Variants in KHDRBS2 observed in about 807,000 individuals in gnomAD.
KHDRBS2 encodes the protein KH domain-containing, RNA-binding, signal transduction-associated protein 2.
Under a neutral mutation model 44.3 loss-of-function variants are expected in KHDRBS2, and 26 were observed. The ratio of observed to expected loss-of-function variants is 0.59; its 90% CI spans 0.43 to 0.81. The LOEUF is 0.81. KHDRBS2 is among the 40% of genes least tolerant of loss of function. The pLI is 0.00. For missense variants in KHDRBS2, 476 were observed against 433.1 expected, an observed-to-expected ratio of 1.10 and a Z score of -0.88; for synonymous variants, 194 against 151.1, an observed-to-expected ratio of 1.28 and a Z score of -2.08.
At chr6:62,246,364 T>C (rs1234410257) in intron 1 of KHDRBS2, among the ~76,000 whole-genome samples, 1 of 151,868 alleles carries the variant, frequency 6.6e-6, no homozygotes, top group Non-Finnish European at 1.5e-5. Flanking sequence ...CCAACATATA[T>C]CTGAGATACT....
chr6:61,945,277 C>T (rs149675389), intron 4 of KHDRBS2, among the ~76,000 whole-genome samples: 1,592 of 149,732 alleles, frequency 0.011, 10 homozygotes, highest in South Asian at 0.02. Context: ...GTAAGTTTCA[C>T]GAAAATAAAA....
intron 2 of KHDRBS2, among the ~76,000 whole-genome samples, chr6:62,080,203 A>C (rs1168773016): frequency 1.3e-5 from 2 of 152,118 alleles, no homozygotes; most frequent in Non-Finnish European, 2.9e-5. Flanking sequence ...TAAAAACATA[A>C]CAATATTTAT....
intron 6 of KHDRBS2, among the ~76,000 whole-genome samples, chr6:61,843,738 C>A (rs1793955035): frequency 6.6e-6 from 1 of 151,882 alleles, no homozygotes; most frequent in South Asian, 2.1e-4. Context: ...TTATTTTTTT[C>A]TTTTCACATG....
chr6:61,544,647 A>T, the KHDRBS2 span, among the ~76,000 whole-genome samples: 1 of 152,118 alleles, frequency 6.6e-6, no homozygotes, highest in Admixed American at 6.6e-5. Flanking sequence ...GCACTACATT[A>T]GATAAGAGGC....
At chr6:62,075,751 A>G (rs1183551212) in intron 2 of KHDRBS2, among the ~76,000 whole-genome samples, 1 of 151,784 alleles carries the variant, frequency 6.6e-6, no homozygotes, top group African/African-American at 2.4e-5. Context: ...CATTGTGGGC[A>G]TATTATGAAA....
At chr6:61,615,411 A>C in the KHDRBS2 span, among the ~76,000 whole-genome samples, 1 of 152,072 alleles carries the variant, frequency 6.6e-6, no homozygotes, top group African/African-American at 2.4e-5. Context: ...TTCTTTGCTC[A>C]CTTTATTTGA....
At chr6:61,654,789 G>A in the KHDRBS2 span, among the ~76,000 whole-genome samples, 1 of 151,528 alleles carries the variant, frequency 6.6e-6, no homozygotes, top group South Asian at 2.1e-4. Flanking sequence ...TAACACAGGA[G>A]CCTTGGATTA....
At chr6:62,145,390 T>G (rs9283832) in intron 2 of KHDRBS2, among the ~76,000 whole-genome samples, 5,194 of 151,836 alleles carry the variant, frequency 0.034, 291 homozygotes, top group African/African-American at 0.12. Flanking sequence ...CTTTTTCACT[T>G]TTTAATGCAT....
intron 7 of KHDRBS2, among the ~76,000 whole-genome samples, chr6:61,700,100 C>G (rs1002949217): frequency 4.0e-5 from 6 of 151,692 alleles, no homozygotes; most frequent in Non-Finnish European, 8.8e-5. Flanking sequence ...AATAATTTAA[C>G]AAGCAGCAGT....
Position 62,255,637 on chromosome 6 carries a change from C to G in KHDRBS2, c.91+30221G>C, listed in dbSNP as rs540917299. 2.5e-3 allele frequency among the ~76,000 whole-genome samples: 380 copies of G among 150,050 alleles called. 4 individuals are homozygous for G. Among genetic ancestry groups the G allele is most frequent in the African/African-American group, 8.5e-3 (348 of 40,978 alleles). On this transcript the variant is annotated intron_variant, in intron 1 of 8. Transcript: ENST00000281156. Reference sequence around the variant, plus strand: ...ACACACACACACACACACACACACACACACACACACACACACACAATGTAG... The same window carrying G: ...ACACACACACACACACACACACACAGACACACACACACACACACAATGTAG...
chr6:61,783,693 A>G (rs2127582359), intron 6 of KHDRBS2, among the ~76,000 whole-genome samples: 1 of 152,134 alleles, frequency 6.6e-6, no homozygotes, highest in East Asian at 1.9e-4. Flanking sequence ...GAACCCCACC[A>G]TCTCTTAAGA....
At chr6:61,987,655 T>C (rs918294618) in intron 3 of KHDRBS2, among the ~76,000 whole-genome samples, 2 of 152,202 alleles carry the variant, frequency 1.3e-5, no homozygotes, top group African/African-American at 4.8e-5. Context: ...GAATCCCCAA[T>C]TTAAAGACAT....
chr6:62,258,345 C>T (rs1440479520), intron 1 of KHDRBS2, among the ~76,000 whole-genome samples: 1 of 152,020 alleles, frequency 6.6e-6, no homozygotes, highest in Non-Finnish European at 1.5e-5. Context: ...TACGGATATT[C>T]TGGTGATGCT....
the KHDRBS2 span, among the ~76,000 whole-genome samples, chr6:61,542,730 T>C: frequency 8.6e-5 from 13 of 151,918 alleles, no homozygotes; most frequent in Non-Finnish European, 8.8e-5. Flanking sequence ...TCTTTATTGT[T>C]TCCAAGGAAA....
intron 2 of KHDRBS2, among the ~76,000 whole-genome samples, chr6:62,158,387 T>C (rs1436720802): frequency 6.6e-6 from 1 of 152,216 alleles, no homozygotes; most frequent in Non-Finnish European, 1.5e-5. Context: ...TATGTCATTA[T>C]ATTCATGTTG....
At chr6:61,996,901 G>A (rs551451709) in intron 3 of KHDRBS2, among the ~76,000 whole-genome samples, 4 of 147,590 alleles carry the variant, frequency 2.7e-5, no homozygotes, top group Non-Finnish European at 5.9e-5. Flanking sequence ...TCCTGCCTCA[G>A]CCTCTGGAGT....
chr6:61,959,710 G>C lies in KHDRBS2; in HGVS notation c.483+18356C>G, dbSNP rs139753688. Among the ~76,000 whole-genome samples, 54 of 152,254 alleles carry C rather than the reference G, an allele frequency of 3.5e-4. No individual in the cohort carries two copies. In the East Asian group the frequency reaches 0.01, roughly 29 times the overall value. On this transcript the variant is annotated intron_variant, in intron 4 of 8. Coordinates refer to ENST00000281156, the MANE Select transcript of KHDRBS2 (RefSeq NM_152688.4). ...AGCAAAATATGTACTTATGGGTTAA[G>C]TTATGGGTTAGGTAGAATGCAATAC...
At chr6:61,719,212 A>C (rs1450716916) in intron 7 of KHDRBS2, among the ~76,000 whole-genome samples, 3 of 152,174 alleles carry the variant, frequency 2.0e-5, no homozygotes, top group Non-Finnish European at 4.4e-5. Flanking sequence ...TAAATTTTTA[A>C]CATTTCACAT....
At chr6:61,584,218 C>A in the KHDRBS2 span, among the ~76,000 whole-genome samples, 1 of 151,760 alleles carries the variant, frequency 6.6e-6, no homozygotes, top group Non-Finnish European at 1.5e-5. Context: ...CTTTTCTTGT[C>A]CCATTGCACC....
Sources: gnomAD v4.1 joint callset for allele counts (sites outside exome capture counted in the v4.1 genomes callset) on GRCh38, gnomAD v4.1.1 for gene constraint, MANE v1.5 for transcripts, NCBI Gene and HGNC (gene_info 2026-07-23, HGNC 2026-07-21) for gene names.